The following TXNDC11 variants were observed in gnomAD, a reference collection of about 807,000 sequenced individuals.
TXNDC11 encodes thioredoxin domain-containing protein 11.
TXNDC11 carries 68 observed loss-of-function variants against 78.0 expected under a neutral mutation model. The ratio of observed to expected loss-of-function variants is 0.87; its 90% CI spans 0.72 to 1.07. The LOEUF (loss-of-function observed/expected upper bound fraction) is 1.07. Ranked by LOEUF, TXNDC11 falls within the 50% of genes least tolerant of loss-of-function variation. The pLI, the probability that TXNDC11 is intolerant of heterozygous loss-of-function variation, is 0.00. For missense variants in TXNDC11, 1,389 were observed against 1,221.8 expected (o/e 1.14, Z -2.04); for synonymous variants, 571 against 495.2 (o/e 1.15, Z -2.03).
At chr16:11,738,111 G>A (rs1416750615) in intron 1 of TXNDC11, among the ~76,000 whole-genome samples, 3 of 152,078 alleles carry the variant, frequency 2.0e-5, no homozygotes, top group East Asian at 1.9e-4. Flanking sequence ...CAATAAAAAC[G>A]AAAAGCAAAA....
intron 1 of TXNDC11, chr16:11,742,199 A>C (rs2052417870): frequency 2.5e-6 from 1 of 400,938 alleles, no homozygotes; most frequent in East Asian, 4.0e-5. Flanking sequence ...TAGTGACTCC[A>C]ACAGGTGAGG....
intron 5 of TXNDC11, among the ~76,000 whole-genome samples, chr16:11,710,891 G>A (rs1485858075): frequency 6.6e-6 from 1 of 152,054 alleles, no homozygotes; most frequent in Non-Finnish European, 1.5e-5. Flanking sequence ...TTATTGTTAG[G>A]AAGATACCAC....
chr16:11,726,351 G>A (rs2051876770), intron 4 of TXNDC11, among the ~76,000 whole-genome samples: 1 of 152,062 alleles, frequency 6.6e-6, no homozygotes, highest in Non-Finnish European at 1.5e-5. Context: ...GGGAGGCCGA[G>A]GCAGGCAGAT....
intron 1 of TXNDC11, among the ~76,000 whole-genome samples, chr16:11,739,786 A>T (rs1219464739): frequency 2.0e-5 from 3 of 152,174 alleles, no homozygotes; most frequent in Admixed American, 2.0e-4. Context: ...CTGTGGCTCA[A>T]CCTCAAATCA....
At chr16:11,692,875 T>C (rs538405706) in intron 7 of TXNDC11, among the ~76,000 whole-genome samples, 26 of 152,288 alleles carry the variant, frequency 1.7e-4, no homozygotes, top group African/African-American at 6.0e-4. Flanking sequence ...CCTCCTGCAA[T>C]GCCACACCTT....
rs147050843 is a variant in TXNDC11, at chr16:11,687,940, C to T, written c.2070G>A (p.Pro690=). The change falls in exon 10 of 12, where the codon CCG becomes CCA. Residue 690 remains proline, a synonymous_variant. Coordinates refer to ENST00000283033, the MANE Select transcript of TXNDC11 (RefSeq NM_015914.7). ...KQDVLLLYYA[P]WCGFCPSLNH... is the part of the protein sequence containing the mutation. The stretch of plus-strand genomic sequence containing the variant: ...TGAGGGATGGACAGAAGCCGCACCA[C>T]GGAGCGTAATAGAGCAGGAGAACGT... The T allele has an allele frequency of 3.6e-5, 58 of 1,613,694 alleles. No individual in the cohort carries two copies. The highest frequency in any genetic ancestry group is 3.0e-4 in the South Asian group (27 of 91,046).
chr16:11,709,250 G>T (rs1249719647), intron 5 of TXNDC11, among the ~76,000 whole-genome samples: 2 of 122,856 alleles, frequency 1.6e-5, no homozygotes, highest in African/African-American at 5.8e-5. Flanking sequence ...TAACTTATAA[G>T]CTGTGATTCT....
At position 11,742,704 on chromosome 16, in the gene TXNDC11, G is replaced by C. The variant is rs1440988990; in HGVS notation, c.27C>G (p.Gly9=). The change falls in exon 1 of 12, where the codon GGC becomes GGG. Residue 9 remains glycine, a synonymous_variant. Coordinates refer to ENST00000283033, the MANE Select transcript of TXNDC11 (RefSeq NM_015914.7). ...CGGCGTCCTCGCTGCTGCTGCTGCC[G>C]CCGCCGCGGCCTCCGCATTCCGACA... MSECGGRG[G]GSSSSEDAED... is the part of the protein sequence containing the mutation. 9 of 1,478,576 alleles carry C rather than the reference G, an allele frequency of 6.1e-6. No individual in the cohort carries two copies. Among genetic ancestry groups the C allele is most frequent in the Non-Finnish European group, 8.0e-6 (9 of 1,125,098 alleles). The allele number at this position is 1,478,576 out of a possible 1,614,324, so 91.6% of individuals were successfully genotyped here. A position where few individuals can be genotyped will look rare whatever the true frequency, so the allele number is the denominator to read the frequency against.
At chr16:11,709,404 T>A (rs1326711048) in intron 5 of TXNDC11, among the ~76,000 whole-genome samples, 1 of 147,288 alleles carries the variant, frequency 6.8e-6, no homozygotes, top group Non-Finnish European at 1.5e-5. Flanking sequence ...ACCACCACCA[T>A]GCGTAGCTAA....
At chr16:11,735,716 G>T in intron 2 of TXNDC11, among the ~76,000 whole-genome samples, 1 of 152,176 alleles carries the variant, frequency 6.6e-6, no homozygotes, top group East Asian at 1.9e-4. Flanking sequence ...GGATATGCAA[G>T]AACTAGGATT....
chr16:11,736,080 C>G lies in TXNDC11; in HGVS notation c.408G>C (p.Trp136Cys). ...CCCTGGCAGCGATGGACTGTCCACA[C>G]CAAGGGGCATAGAAGAAGAGCAGTA... The part of the protein sequence containing the change: ...EVVLLFFYAP[W>C]CGQSIAARAE... Residue 136 changes from tryptophan to cysteine, a missense_variant, in exon 2 of 12, where the codon TGG becomes TGC. Coordinates refer to ENST00000283033, the MANE Select transcript of TXNDC11 (RefSeq NM_015914.7). The G allele has an allele frequency of 6.2e-7, 1 of 1,614,168 alleles. No homozygotes were observed. Among genetic ancestry groups the G allele is most frequent in the Non-Finnish European group, 8.5e-7 (1 of 1,180,034 alleles).
chr16:11,690,501 C>CTAA lies in TXNDC11; in HGVS notation c.1900+788_1900+789insTTA, dbSNP rs1465405234. Among the ~76,000 whole-genome samples, 3 of 152,214 alleles carry CTAA rather than the reference C, an allele frequency of 2.0e-5. No individual in the cohort carries two copies. In the East Asian group the frequency reaches 5.8e-4, roughly 29 times the overall value. On this transcript the variant is annotated intron_variant, in intron 8 of 11. Transcript: ENST00000283033. ...AGGTCTGGTGGCCTTGATCCTTAGA[C>CTAA]ATTTAAGCCTATGAGACAAAAAGGG... is the stretch of plus-strand genomic sequence containing the variant.
chr16:11,729,547 C>T lies in TXNDC11; in HGVS notation c.699+1098G>A, dbSNP rs1439121631. Among the ~76,000 whole-genome samples, 4 of 152,070 alleles carry T rather than the reference C, an allele frequency of 2.6e-5. No homozygotes were observed. The East Asian group carries it at 5.8e-4, about 22-fold the overall frequency. ...CAATCTATACAGAATATAAATAGTG[C>T]GAACAGTAAAATTCAACTAGCCACA... On this transcript the variant is annotated intron_variant, in intron 4 of 11. Transcript: ENST00000283033.
intron 5 of TXNDC11, among the ~76,000 whole-genome samples, chr16:11,710,881 T>C (rs2051330401): frequency 6.6e-6 from 1 of 152,114 alleles, no homozygotes; most frequent in Non-Finnish European, 1.5e-5. Flanking sequence ...CTATCTATGC[T>C]TATTGTTAGG....
intron 4 of TXNDC11, among the ~76,000 whole-genome samples, chr16:11,728,779 C>G (rs575805891): frequency 6.7e-6 from 1 of 150,062 alleles, no homozygotes. Flanking sequence ...GAGTGAAACC[C>G]TATCTCAAAA....
At chr16:11,730,803 A>G in intron 3 of TXNDC11, 29 bp from the exon 4 acceptor site, 7 of 1,453,860 alleles carry the variant, frequency 4.8e-6, no homozygotes, top group Non-Finnish European at 6.5e-6. Flanking sequence ...AATAAAAATA[A>G]AAATAATAAA....
chr16:11,695,161 A>G (rs974999972), intron 7 of TXNDC11, among the ~76,000 whole-genome samples: 2 of 152,172 alleles, frequency 1.3e-5, no homozygotes, highest in African/African-American at 4.8e-5. Flanking sequence ...AGAACTCTCT[A>G]GAGACACCAG....
In TXNDC11 at chr16:11,700,379, C is replaced by A. The variant is rs76876224; in HGVS notation, c.906+73G>T. On this transcript the variant is annotated intron_variant, in intron 6 of 11. Coordinates refer to ENST00000283033, the MANE Select transcript of TXNDC11 (RefSeq NM_015914.7). ...GAGTGTCCATAGATTTTAACCAATT[C>A]TCAAAGGAGTCTGTGACCTAAACAA... is the stretch of plus-strand genomic sequence containing the variant. The A allele has an allele frequency of 4.4e-6, 3 of 681,644 alleles. No individual in the cohort carries two copies. The Admixed American group carries it at 8.2e-5, about 19-fold the overall frequency. 42.2% of individuals were successfully genotyped at this position (681,644 alleles called of 1,614,324 possible). A position where few individuals can be genotyped will look rare whatever the true frequency, so the allele number is the denominator to read the frequency against.
intron 4 of TXNDC11, among the ~76,000 whole-genome samples, chr16:11,724,750 T>C (rs2051823327): frequency 6.6e-6 from 1 of 152,152 alleles, no homozygotes; most frequent in South Asian, 2.1e-4. Flanking sequence ...TAGAATTTCT[T>C]TTTCTCTTTT....
Sources: gnomAD v4.1 joint callset for allele counts (sites outside exome capture counted in the v4.1 genomes callset) on GRCh38, gnomAD v4.1.1 for gene constraint, MANE v1.5 for transcripts, NCBI Gene and HGNC (gene_info 2026-07-23, HGNC 2026-07-21) for gene names.